Variants in PTPRQ observed in about 807,000 individuals in gnomAD.
PTPRQ encodes the protein protein tyrosine phosphatase receptor type Q, also known as phosphatidylinositol phosphatase PTPRQ.
Under a neutral mutation model 246.0 loss-of-function variants are expected in PTPRQ, and 199 were observed. The observed-to-expected ratio is 0.81, with a 90% CI of 0.72 to 0.91. PTPRQ has a LOEUF of 0.91. Ranked by LOEUF, PTPRQ falls within the 40% of genes least tolerant of loss-of-function variation. The probability of loss-of-function intolerance (pLI) is 0.00; values close to 1 mark genes in which losing one functional copy is unlikely to be tolerated. For missense variants in PTPRQ, 2,624 were observed against 2,528.4 expected, an observed-to-expected ratio of 1.04 and a Z score of -0.81; for synonymous variants, 869 against 853.2, an observed-to-expected ratio of 1.02 and a Z score of -0.32.
rs568671749 is a variant in PTPRQ at position 80,549,877 on chromosome 12, G to A, written c.4285+143G>A. ...ATACAACACAGGCTTTTTATCCCAC[G>A]TGTTGCTTGAGTACCAGCTGTGTAC... On this transcript the variant is annotated intron_variant, in intron 25 of 44. Coordinates refer to ENST00000644991, the MANE Select transcript of PTPRQ (RefSeq NM_001145026.2). 9.9e-6 allele frequency: 12 copies of A among 1,206,912 alleles called. No individual in the cohort carries two copies. In the African/African-American group the frequency reaches 1.1e-4, roughly 11 times the overall value. 74.8% of individuals were successfully genotyped at this position (1,206,912 alleles called of 1,614,324 possible). A position where few individuals can be genotyped will look rare whatever the true frequency, so the allele number is the denominator to read the frequency against.
chr12:80,598,225 C>T (rs992480911), intron 26 of PTPRQ, among the ~76,000 whole-genome samples: 14 of 151,862 alleles, frequency 9.2e-5, no homozygotes, highest in African/African-American at 2.7e-4. Context: ...CACCACCTTG[C>T]GGTTAGGAAA....
Position 80,484,472 on chromosome 12 carries a change from A to G in PTPRQ, c.1226A>G (p.Glu409Gly). The G allele has an allele frequency of 6.4e-7, 1 of 1,551,248 alleles. No individual in the cohort carries two copies. Among genetic ancestry groups the G allele is most frequent in the Middle Eastern group, 1.7e-4 (1 of 5,986 alleles). Reference protein sequence around the residue: ...AVFDLQLAEVESTQVRITWKK... With the variant: ...AVFDLQLAEVGSTQVRITWKK... ...TTTGATTTACAACTTGCAGAGGTAG[A>G]ATCCACGCAAGTAAGAATTACTTGG... Residue 409 changes from glutamate (E) to glycine (G), a missense_variant, in exon 9 of 45, where the codon GAA becomes GGA. Glu to Gly is a moderately conservative substitution (Grantham distance 98). Transcript: ENST00000644991.
chr12:80,592,821 C>G (rs544217583), intron 26 of PTPRQ, among the ~76,000 whole-genome samples: 1 of 152,058 alleles, frequency 6.6e-6, no homozygotes, highest in Non-Finnish European at 1.5e-5. Context: ...ATCAGCCTTT[C>G]CAACATGGTG....
At chr12:80,539,118 TA>T (rs1949072545) in intron 19 of PTPRQ, among the ~76,000 whole-genome samples, 1 of 151,966 alleles carries the variant, frequency 6.6e-6, no homozygotes, top group African/African-American at 2.4e-5. Context: ...AGAAAATGAT[TA>T]CATACATACC....
intron 17 of PTPRQ, among the ~76,000 whole-genome samples, chr12:80,514,402 A>ACACACACACACACACACACT (rs552667526): frequency 4.4e-5 from 5 of 113,020 alleles, no homozygotes; most frequent in South Asian, 3.2e-4. Flanking sequence ...ACACACACAC[A>ACACACACACACACACACACT]CTCTCTCTCT....
intron 25 of PTPRQ, among the ~76,000 whole-genome samples, chr12:80,571,395 C>A (rs1897143145): frequency 1.3e-5 from 2 of 152,214 alleles, no homozygotes; most frequent in Non-Finnish European, 2.9e-5. Context: ...GCCTTGGACT[C>A]CCAAAGTACC....
chr12:80,460,552 T>C (rs902755506), intron 5 of PTPRQ, 101 bp from the exon 6 acceptor site: 44 of 396,496 alleles, frequency 1.1e-4, no homozygotes, highest in African/African-American at 8.4e-4. Context: ...TATGTGTGTA[T>C]GTATAGCATA....
chr12:80,504,750 A>G (rs530196812), intron 14 of PTPRQ, among the ~76,000 whole-genome samples: 111 of 152,072 alleles, frequency 7.3e-4, no homozygotes, highest in African/African-American at 2.1e-3. Flanking sequence ...TCTTCAGGGT[A>G]CATATAGATA....
chr12:80,469,280 C>G (rs1048280348), intron 7 of PTPRQ, among the ~76,000 whole-genome samples: 4 of 152,108 alleles, frequency 2.6e-5, no homozygotes. Flanking sequence ...ATCTTCTGCT[C>G]TATTTTGCTG....
At chr12:80,610,369 GTAT>G (rs777212337) in intron 27 of PTPRQ, 67 bp from the exon 28 acceptor site, 65 of 1,339,658 alleles carry the variant, frequency 4.9e-5, no homozygotes, top group Non-Finnish European at 5.4e-5. Context: ...ACGTAGCTTT[GTAT>G]TATTATGTTT....
intron 39 of PTPRQ, 140 bp downstream of exon 39, chr12:80,658,201 G>A (rs1051805835): frequency 1.1e-4 from 52 of 489,256 alleles, no homozygotes; most frequent in Non-Finnish European, 1.6e-5. Flanking sequence ...GCCACATTGT[G>A]TACCCTTATT....
chr12:80,583,204 C>A (rs1419528455), intron 25 of PTPRQ, among the ~76,000 whole-genome samples: 2 of 152,156 alleles, frequency 1.3e-5, no homozygotes, highest in Admixed American at 1.3e-4. Flanking sequence ...CATTTGCTCA[C>A]ACATTCAAAA....
chr12:80,488,793 A>C (rs1894359797), intron 9 of PTPRQ, among the ~76,000 whole-genome samples: 1 of 152,010 alleles, frequency 6.6e-6, no homozygotes, highest in Non-Finnish European at 1.5e-5. Context: ...CCCATGATCT[A>C]TTTGTTTCTG....
At chr12:80,501,319 G>T (rs1894792234) in intron 14 of PTPRQ, among the ~76,000 whole-genome samples, 1 of 151,960 alleles carries the variant, frequency 6.6e-6, no homozygotes, top group Non-Finnish European at 1.5e-5. Flanking sequence ...GTTGAATGTT[G>T]AAGTAAAGAG....
Position 80,506,306 on chromosome 12 carries a change from G to A in PTPRQ, c.2455+100G>A, listed in dbSNP as rs569704510. 1.4e-4 allele frequency: 173 copies of A among 1,276,414 alleles called. 1 individual carries two copies. In the African/African-American group the frequency reaches 2.2e-3, roughly 16 times the overall value. 79.1% of individuals were successfully genotyped at this position (1,276,414 alleles called of 1,614,324 possible). On this transcript the variant is annotated intron_variant, in intron 15 of 44. Coordinates refer to ENST00000644991, the MANE Select transcript of PTPRQ (RefSeq NM_001145026.2). The stretch of plus-strand genomic sequence containing the variant: ...ATAGTTTCAGATTATTTTCATGCAG[G>A]GTATTACAATTTTGTCTTTTTGGTT...
chr12:80,494,688 A>G (rs1030058851), intron 10 of PTPRQ, among the ~76,000 whole-genome samples: 3 of 151,936 alleles, frequency 2.0e-5, no homozygotes, highest in Non-Finnish European at 4.4e-5. Context: ...TATATTATGA[A>G]CACAAAATGT....
intron 33 of PTPRQ, among the ~76,000 whole-genome samples, chr12:80,628,954 T>A (rs892847389): frequency 6.6e-6 from 1 of 152,052 alleles, no homozygotes; most frequent in Non-Finnish European, 1.5e-5. Flanking sequence ...TGTTAAACAA[T>A]AGAAGTTTAT....
At chr12:80,483,491 C>T (rs1894152156) in intron 8 of PTPRQ, among the ~76,000 whole-genome samples, 1 of 150,276 alleles carries the variant, frequency 6.7e-6, no homozygotes, top group Admixed American at 6.6e-5. Context: ...CTAACCTGCA[C>T]AATGTGCACA....
rs1899017539 is a variant in PTPRQ at position 80,622,126 on chromosome 12, A to T, written c.5678A>T (p.Lys1893Met). Reference sequence around the variant, plus strand: ...GACTCTGATTATTCTGACCCTGTTAAGACTTTAGGTAAGACATTTTTGTAA... The same window carrying T: ...GACTCTGATTATTCTGACCCTGTTATGACTTTAGGTAAGACATTTTTGTAA... ...FTDSDYSDPV[K>M]TLGEGLSERT... Residue 1893 changes from lysine to methionine, a missense_variant, in exon 33 of 45, where the codon AAG (lysine) becomes ATG (methionine). Lys to Met is a moderately conservative substitution (Grantham distance 95). Coordinates refer to ENST00000644991, the MANE Select transcript of PTPRQ (RefSeq NM_001145026.2). The T allele has an allele frequency of 7.0e-7, 1 of 1,437,296 alleles. No homozygotes were observed. 89.0% of individuals were successfully genotyped at this position (1,437,296 alleles called of 1,614,324 possible).
Sources: gnomAD v4.1 joint callset for allele counts (sites outside exome capture counted in the v4.1 genomes callset) on GRCh38, gnomAD v4.1.1 for gene constraint, MANE v1.5 for transcripts, NCBI Gene and HGNC (gene_info 2026-07-23, HGNC 2026-07-21) for gene names.